Variants in RBFOX1 observed in about 807,000 individuals in gnomAD.
RBFOX1 encodes RNA binding fox-1 homolog 1.
A neutral mutation model predicts 57.7 loss-of-function variants in RBFOX1; 8 were observed. The observed-to-expected ratio is 0.14, with a 90% confidence interval of 0.08 to 0.25. RBFOX1 has a LOEUF of 0.25. RBFOX1 is among the 10% of genes least tolerant of loss of function. RBFOX1 has a pLI of 1.00. For synonymous variants in RBFOX1, 326 were observed against 222.4 expected (o/e 1.47, Z -4.15); for missense variants, 611 against 548.5 (o/e 1.11, Z -1.14).
At chr16:7,278,589 A>G (rs993442728) in intron 4 of RBFOX1, among the ~76,000 whole-genome samples, 1 of 152,132 alleles carries the variant, frequency 6.6e-6, no homozygotes, top group Non-Finnish European at 1.5e-5. Flanking sequence ...TTTCATATTG[A>G]CTTCTGTTTG....
At chr16:6,239,024 A>G (rs963046541) in intron 1 of RBFOX1, among the ~76,000 whole-genome samples, 2 of 151,746 alleles carry the variant, frequency 1.3e-5, no homozygotes, top group Admixed American at 6.6e-5. Flanking sequence ...TTTTGTACCC[A>G]TTAACTTATT....
At chr16:5,564,632 C>G (rs542392245) in intron 2 of RBFOX1, among the ~76,000 whole-genome samples, 118 of 152,272 alleles carry the variant, frequency 7.7e-4, no homozygotes, top group African/African-American at 2.6e-3. Flanking sequence ...GGAGTCTGTC[C>G]TGTATCAGAT....
At chr16:6,918,386 C>T (rs1393877816) in intron 3 of RBFOX1, among the ~76,000 whole-genome samples, 1 of 151,992 alleles carries the variant, frequency 6.6e-6, no homozygotes, top group Admixed American at 6.6e-5. Context: ...AACAAGCTAC[C>T]CGGGTGATTC....
intron 3 of RBFOX1, among the ~76,000 whole-genome samples, chr16:6,700,550 C>G (rs1221415264): frequency 6.6e-6 from 1 of 151,956 alleles, no homozygotes; most frequent in Non-Finnish European, 1.5e-5. Flanking sequence ...CTCAGCTATT[C>G]AGGAGGCTGA....
chr16:6,336,783 C>G (rs2083824758), intron 2 of RBFOX1, among the ~76,000 whole-genome samples: 1 of 152,142 alleles, frequency 6.6e-6, no homozygotes, highest in African/African-American at 2.4e-5. Context: ...GTAAGGAAGA[C>G]TGGATGTATA....
intron 4 of RBFOX1, among the ~76,000 whole-genome samples, chr16:7,081,323 C>T (rs1444256735): frequency 6.6e-6 from 1 of 152,202 alleles, no homozygotes; most frequent in African/African-American, 2.4e-5. Context: ...GTGTGAGCCA[C>T]CACGCCCGGC....
chr16:7,578,667 C>A (rs1434257927), intron 5 of RBFOX1, among the ~76,000 whole-genome samples: 1 of 152,106 alleles, frequency 6.6e-6, no homozygotes, highest in African/African-American at 2.4e-5. Context: ...AGGATGATTC[C>A]TCACTCATAA....
Position 7,394,069 on chromosome 16 carries a change from C to G in RBFOX1, c.28-124078C>G, listed in dbSNP as rs928763736. ...TGGCCACAATGGTGAAACCCCATCT[C>G]TACGAAAAATACCAAAATTAGCCGG... On this transcript the variant is annotated intron_variant, in intron 4 of 15. Coordinates refer to ENST00000550418, the MANE Select transcript of RBFOX1 (RefSeq NM_018723.4). Among the ~76,000 whole-genome samples the G allele has an allele frequency of 4.6e-5, 7 of 151,662 alleles. No individual in the cohort carries two copies. In the South Asian group the frequency reaches 1.3e-3, roughly 27 times the overall value.
At chr16:6,531,791 A>T (rs748006823) in intron 2 of RBFOX1, among the ~76,000 whole-genome samples, 16 of 152,174 alleles carry the variant, frequency 1.1e-4, no homozygotes, top group Non-Finnish European at 2.2e-4. Flanking sequence ...ATGAGTATCA[A>T]CCCAATTTAC....
intron 3 of RBFOX1, among the ~76,000 whole-genome samples, chr16:6,909,886 G>A (rs1024396129): frequency 2.6e-5 from 4 of 152,126 alleles, no homozygotes. Context: ...CCTGCATATC[G>A]GTTCCTTTGC....
intron 1 of RBFOX1, among the ~76,000 whole-genome samples, chr16:5,425,073 C>T (rs72761006): frequency 0.016 from 360 of 22,316 alleles, 5 homozygotes; most frequent in South Asian, 0.038. Flanking sequence ...TCTTATCTAT[C>T]TATCTATCTA....
intron 4 of RBFOX1, among the ~76,000 whole-genome samples, chr16:7,171,804 G>A (rs149291270): frequency 1.8e-3 from 273 of 152,268 alleles, no homozygotes; most frequent in Middle Eastern, 6.8e-3. Flanking sequence ...ATTTTGGCTT[G>A]GCCATTGTCT....
At chr16:7,163,983 G>T (rs1391547563) in intron 4 of RBFOX1, among the ~76,000 whole-genome samples, 1 of 152,048 alleles carries the variant, frequency 6.6e-6, no homozygotes, top group Non-Finnish European at 1.5e-5. Flanking sequence ...TTTAATTTCA[G>T]CAGGTTTTTG....
At chr16:6,829,220 T>C (rs1212176806) in intron 3 of RBFOX1, among the ~76,000 whole-genome samples, 1 of 146,976 alleles carries the variant, frequency 6.8e-6, no homozygotes, top group Non-Finnish European at 1.5e-5. Flanking sequence ...AAAAGCATTT[T>C]AAAGGAAGTT....
intron 3 of RBFOX1, among the ~76,000 whole-genome samples, chr16:5,708,053 AAGG>A (rs2051317686): frequency 6.6e-6 from 1 of 152,184 alleles, no homozygotes; most frequent in Non-Finnish European, 1.5e-5. Context: ...AGAATAAAAG[AAGG>A]AGGCTAGTTG....
chr16:7,245,387 A>C (rs1412241443), intron 4 of RBFOX1, among the ~76,000 whole-genome samples: 1 of 152,136 alleles, frequency 6.6e-6, no homozygotes, highest in Non-Finnish European at 1.5e-5. Context: ...ATAGGTAAAC[A>C]TGTGCCATGG....
rs542898195 is a variant in RBFOX1 at position 7,599,638 on chromosome 16, C to CTTTTTTTTTTTTTT, written c.622+2219_622+2220insTTTTTTTTTTTTTT. Among the ~76,000 whole-genome samples the CTTTTTTTTTTTTTT allele has an allele frequency of 6.4e-5, 4 of 62,804 alleles. 2 individuals carry two copies. The highest frequency in any genetic ancestry group is 3.9e-4 in the Admixed American group (2 of 5,122). 41.2% of individuals were successfully genotyped at this position (62,804 alleles called of 152,430 possible). A position where few individuals can be genotyped will look rare whatever the true frequency, so the allele number is the denominator to read the frequency against. On this transcript the variant is annotated intron_variant, in intron 9 of 15. Coordinates refer to ENST00000550418, the MANE Select transcript of RBFOX1 (RefSeq NM_018723.4). ...GAGAAGATGAAGAAATTAATAAAGA[C>CTTTTTTTTTTTTTT]TTTTTTTTTTTTCTTTTTTTTTTTT...
At chr16:7,009,601 A>C (rs1421177125) in intron 3 of RBFOX1, among the ~76,000 whole-genome samples, 1 of 152,192 alleles carries the variant, frequency 6.6e-6, no homozygotes, top group Non-Finnish European at 1.5e-5. Flanking sequence ...CAGCTAATCC[A>C]ATAATGGAGA....
chr16:6,414,629 G>A (rs2093569183), intron 2 of RBFOX1, among the ~76,000 whole-genome samples: 1 of 152,168 alleles, frequency 6.6e-6, no homozygotes, highest in African/African-American at 2.4e-5. Flanking sequence ...CAAATATCTA[G>A]CACCATGTCT....
Sources: allele counts gnomAD v4.1 joint callset (sites outside exome capture counted in the v4.1 genomes callset), GRCh38; gene constraint gnomAD v4.1.1; transcripts MANE v1.5; gene names NCBI Gene and HGNC (gene_info 2026-07-23, HGNC 2026-07-21).